OR9Q1: variants seen among roughly 807,000 people sequenced by gnomAD.
OR9Q1 encodes the protein olfactory receptor 9Q1.
For missense variants in OR9Q1, 374 were observed against 378.8 expected, an observed-to-expected ratio of 0.99 and a Z score of 0.11; for synonymous variants, 153 against 148.6, an observed-to-expected ratio of 1.03 and a Z score of -0.22.
intron 2 of OR9Q1, among the ~76,000 whole-genome samples, chr11:58,154,379 AT>A (rs3085835): frequency 0.44 from 61,278 of 140,742 alleles, 14,409 homozygotes; most frequent in South Asian, 0.65. Context: ...AATGCAATGG[AT>A]TTTTTTTTTT....
At chr11:58,125,246 C>CG (rs1357492542) in intron 2 of OR9Q1, 4 of 121,192 alleles carry the variant, frequency 3.3e-5, no homozygotes, top group African/African-American at 6.5e-5. Flanking sequence ...ACCGCCCCCC[C>CG]CCCAAAAAAA....
chr11:58,106,307 T>C (rs548786978), intron 2 of OR9Q1, among the ~76,000 whole-genome samples: 2 of 152,192 alleles, frequency 1.3e-5, no homozygotes, highest in Admixed American at 6.5e-5. Flanking sequence ...TGTATAGATA[T>C]ATATTCAGTT....
At chr11:58,058,039 C>T (rs1027348147) in intron 2 of OR9Q1, among the ~76,000 whole-genome samples, 1 of 152,182 alleles carries the variant, frequency 6.6e-6, no homozygotes, top group Non-Finnish European at 1.5e-5. Flanking sequence ...TTTGATGCTC[C>T]TTTCATTAGG....
chr11:58,158,569 A>AGGC (rs1282274806), intron 2 of OR9Q1, among the ~76,000 whole-genome samples: 3 of 152,062 alleles, frequency 2.0e-5, no homozygotes, highest in Non-Finnish European at 4.4e-5. Flanking sequence ...TCCTTACCAT[A>AGGC]AGTCTCTTGA....
At chr11:58,047,808 C>G (rs1360693761) in intron 1 of OR9Q1, among the ~76,000 whole-genome samples, 1 of 152,068 alleles carries the variant, frequency 6.6e-6, no homozygotes, top group African/African-American at 2.4e-5. Flanking sequence ...CGCTTGAACT[C>G]AGAAGGCGGA....
At chr11:58,161,654 C>T (rs1273720297) in intron 2 of OR9Q1, among the ~76,000 whole-genome samples, 1 of 151,914 alleles carries the variant, frequency 6.6e-6, no homozygotes, top group Non-Finnish European at 1.5e-5. Flanking sequence ...AGCGATTCTC[C>T]TGCATCAGCC....
At chr11:58,107,361 G>A (rs1853851801) in intron 2 of OR9Q1, among the ~76,000 whole-genome samples, 1 of 152,138 alleles carries the variant, frequency 6.6e-6, no homozygotes, top group Admixed American at 6.6e-5. Flanking sequence ...AACATGCGGT[G>A]TTTGGTTTTC....
intron 1 of OR9Q1, among the ~76,000 whole-genome samples, chr11:58,035,849 A>T (rs955857093): frequency 1.5e-4 from 6 of 40,426 alleles, no homozygotes; most frequent in Middle Eastern, 0.022. Context: ...GAACCTTTCC[A>T]GATCAAATAT....
intron 2 of OR9Q1, chr11:58,109,222 C>A: frequency 2.1e-6 from 1 of 467,732 alleles, no homozygotes; most frequent in Non-Finnish European, 4.3e-6. Flanking sequence ...GATGAAGGCA[C>A]TGGCCAAAAA....
intron 2 of OR9Q1, among the ~76,000 whole-genome samples, chr11:58,163,977 A>G (rs1854478197): frequency 6.6e-6 from 1 of 152,196 alleles, no homozygotes; most frequent in African/African-American, 2.4e-5. Flanking sequence ...TCCTACATGA[A>G]AGGGGCTATT....
intron 2 of OR9Q1, among the ~76,000 whole-genome samples, chr11:58,131,309 T>C (rs1052368534): frequency 6.6e-6 from 1 of 152,186 alleles, no homozygotes; most frequent in African/African-American, 2.4e-5. Context: ...CAGGACTGTG[T>C]CATCAGTGGT....
chr11:58,101,124 ATATATT>A (rs1467394425), intron 2 of OR9Q1, among the ~76,000 whole-genome samples: 2 of 151,996 alleles, frequency 1.3e-5, no homozygotes, highest in South Asian at 2.1e-4. Flanking sequence ...ATGACTATAC[ATATATT>A]TATATTTTTA....
At chr11:58,161,422 C>T (rs1284146301) in intron 2 of OR9Q1, among the ~76,000 whole-genome samples, 1 of 152,112 alleles carries the variant, frequency 6.6e-6, no homozygotes, top group Non-Finnish European at 1.5e-5. Context: ...ACAGAAAATA[C>T]TGCCTGAATT....
rs1484427167 is a variant in OR9Q1, at chr11:58,082,761, T to C, written c.-15+26814T>C. Among the ~76,000 whole-genome samples, 9 of 129,870 alleles carry C rather than the reference T, an allele frequency of 6.9e-5. No homozygotes were observed. In the South Asian group the frequency reaches 2.5e-3, roughly 37 times the overall value. The allele number at this position is 129,870 out of a possible 152,430, so 85.2% of individuals were successfully genotyped here. A position where few individuals can be genotyped will look rare whatever the true frequency, so the allele number is the denominator to read the frequency against. ...TAAAGTATAATAATAATAATAATAA[T>C]AATAATAATAAAAAGTTAGGTCTTC... On this transcript the variant is annotated intron_variant, in intron 2 of 2. Coordinates refer to ENST00000335397, the MANE Select transcript of OR9Q1 (RefSeq NM_001005212.4).
intron 2 of OR9Q1, among the ~76,000 whole-genome samples, chr11:58,067,193 G>A (rs1164569491): frequency 6.6e-6 from 1 of 151,988 alleles, no homozygotes; most frequent in African/African-American, 2.4e-5. Context: ...CACCATGCCT[G>A]GCTAATTTTT....
At chr11:58,165,524 C>G (rs1030130582) in intron 2 of OR9Q1, among the ~76,000 whole-genome samples, 3 of 152,192 alleles carry the variant, frequency 2.0e-5, no homozygotes, top group Non-Finnish European at 4.4e-5. Flanking sequence ...CTGCAGTACC[C>G]TCTCTGCTGT....
intron 2 of OR9Q1, among the ~76,000 whole-genome samples, chr11:58,136,542 C>T (rs1453316130): frequency 6.6e-6 from 1 of 152,120 alleles, no homozygotes; most frequent in Non-Finnish European, 1.5e-5. Context: ...TTTGTTTTCC[C>T]TAATCTTAAT....
At chr11:58,140,505 G>T (rs1385346607) in intron 2 of OR9Q1, among the ~76,000 whole-genome samples, 1 of 152,106 alleles carries the variant, frequency 6.6e-6, no homozygotes, top group Admixed American at 6.5e-5. Context: ...TTCTACATAT[G>T]GCTAGCCAGT....
At chr11:58,112,576 G>T (rs924799348) in intron 2 of OR9Q1, among the ~76,000 whole-genome samples, 14 of 152,192 alleles carry the variant, frequency 9.2e-5, no homozygotes, top group African/African-American at 3.4e-4. Flanking sequence ...AATAGATGCT[G>T]TCATACTCTC....
Sources: gnomAD v4.1 joint callset for allele counts (sites outside exome capture counted in the v4.1 genomes callset) on GRCh38, gnomAD v4.1.1 for gene constraint, MANE v1.5 for transcripts, NCBI Gene and HGNC (gene_info 2026-07-23, HGNC 2026-07-21) for gene names.